The following SEMA5A variants were observed in gnomAD, a reference collection of about 807,000 sequenced individuals.
The protein encoded by SEMA5A is semaphorin 5A, also known as semaphorin-5A.
In SEMA5A, 55 loss-of-function variants were observed where a neutral mutation model predicts 135.5. That is an observed-to-expected ratio of 0.41 (90% CI 0.33 to 0.51). SEMA5A has a LOEUF of 0.51. Among genes scored for constraint, SEMA5A ranks in the 20% least tolerant of loss-of-function variants. SEMA5A has a pLI of 0.37. For missense variants in SEMA5A, 1,290 were observed against 1,419.9 expected, an observed-to-expected ratio of 0.91 and a Z score of 1.47; for synonymous variants, 580 against 546.5, an observed-to-expected ratio of 1.06 and a Z score of -0.85.
chr5:9,146,121 C>T (rs571221144), intron 12 of SEMA5A, among the ~76,000 whole-genome samples: 27 of 152,094 alleles, frequency 1.8e-4, no homozygotes, highest in Non-Finnish European at 3.5e-4. Flanking sequence ...TGGGTTCTTA[C>T]CCACCCTGCC....
intron 3 of SEMA5A, among the ~76,000 whole-genome samples, chr5:9,339,122 T>C (rs1440990851): frequency 2.0e-5 from 3 of 152,186 alleles, no homozygotes; most frequent in Non-Finnish European, 4.4e-5. Flanking sequence ...GAACAAGGTA[T>C]GTACAAGGCA....
At chr5:9,099,103 A>C (rs1739481851) in intron 16 of SEMA5A, among the ~76,000 whole-genome samples, 2 of 152,326 alleles carry the variant, frequency 1.3e-5, no homozygotes, top group South Asian at 2.1e-4. Context: ...TATATGTCCT[A>C]GAGGCAGACT....
intron 18 of SEMA5A, among the ~76,000 whole-genome samples, chr5:9,055,212 A>T (rs78273468): frequency 7.8e-4 from 119 of 152,334 alleles, no homozygotes; most frequent in Middle Eastern, 3.4e-3. Flanking sequence ...TATGATTTTC[A>T]GTTTAGCTAA....
intron 11 of SEMA5A, among the ~76,000 whole-genome samples, chr5:9,178,694 G>A (rs568355138): frequency 3.9e-5 from 6 of 152,200 alleles, no homozygotes; most frequent in Non-Finnish European, 8.8e-5. Context: ...TGTTGGTAAT[G>A]ATTGTAAAAT....
intron 16 of SEMA5A, among the ~76,000 whole-genome samples, chr5:9,085,228 G>C (rs1057175742): frequency 2.0e-5 from 3 of 152,228 alleles, no homozygotes; most frequent in Admixed American, 2.0e-4. Flanking sequence ...TTTCTGAGGA[G>C]AAATTTAAGC....
Position 9,035,466 on chromosome 5 carries a change from A to G in SEMA5A, c.*7431T>C, listed in dbSNP as rs1735596568. 6.6e-6 allele frequency: 1 copy of G among 152,158 alleles called. No homozygotes were observed. The highest frequency in any genetic ancestry group is 2.4e-5 in the African/African-American group (1 of 41,446). The allele number at this position is 152,158 out of a possible 1,614,324, so 9.4% of individuals were successfully genotyped here. On this transcript the variant is annotated 3_prime_UTR_variant, in exon 23 of 23. Transcript: ENST00000382496. ...TCCGCCCACCCCTGCTCCAACTTCCATAGTTGATCCAATGCAGCAGGTAAT... is the reference window on the plus strand; with the variant it reads ...TCCGCCCACCCCTGCTCCAACTTCCGTAGTTGATCCAATGCAGCAGGTAAT...
intron 5 of SEMA5A, among the ~76,000 whole-genome samples, chr5:9,271,933 C>T (rs559258444): frequency 3.4e-4 from 52 of 152,258 alleles, no homozygotes; most frequent in African/African-American, 1.1e-3. Flanking sequence ...CAAAACTGGG[C>T]GGCTGTTTGA....
intron 3 of SEMA5A, among the ~76,000 whole-genome samples, chr5:9,340,394 G>A (rs1463807941): frequency 2.0e-5 from 3 of 152,092 alleles, no homozygotes; most frequent in African/African-American, 7.2e-5. Context: ...GAGCCTCTAA[G>A]AGGAAAAAAG....
chr5:9,510,233 T>A (rs1736131955), intron 1 of SEMA5A, among the ~76,000 whole-genome samples: 1 of 152,220 alleles, frequency 6.6e-6, no homozygotes, highest in Non-Finnish European at 1.5e-5. Flanking sequence ...CCTCATTCAT[T>A]CCTTCTACAA....
Position 9,182,623 on chromosome 5 carries a change from C to G in SEMA5A, c.1273+7644G>C, listed in dbSNP as rs145504390. 7.8e-3 allele frequency among the ~76,000 whole-genome samples: 1,181 copies of G among 151,958 alleles called. 15 individuals are homozygous for G. The highest frequency in any genetic ancestry group is 0.026 in the African/African-American group (1,095 of 41,370). On this transcript the variant is annotated intron_variant, in intron 11 of 22. Coordinates refer to ENST00000382496, the MANE Select transcript of SEMA5A (RefSeq NM_003966.3). ...CTGCCTATCTTCTGGCTGAGCATGC[C>G]ATGCTCACCTCCTCCTAGACCACCT...
At chr5:9,171,194 A>G (rs1743902180) in intron 11 of SEMA5A, among the ~76,000 whole-genome samples, 1 of 152,054 alleles carries the variant, frequency 6.6e-6, no homozygotes, top group Non-Finnish European at 1.5e-5. Context: ...CTTTTAAAAC[A>G]CGCTCTGGGG....
At chr5:9,279,745 C>G (rs1247985371) in intron 5 of SEMA5A, among the ~76,000 whole-genome samples, 3 of 151,282 alleles carry the variant, frequency 2.0e-5, no homozygotes, top group African/African-American at 7.3e-5. Context: ...TTGACTCTCC[C>G]TCTCTCTCTC....
At chr5:9,458,160 G>A (rs1758917301) in intron 1 of SEMA5A, among the ~76,000 whole-genome samples, 1 of 151,646 alleles carries the variant, frequency 6.6e-6, no homozygotes, top group South Asian at 2.1e-4. Flanking sequence ...GCCCGCCTCG[G>A]CCTCCCAAAG....
intron 11 of SEMA5A, among the ~76,000 whole-genome samples, chr5:9,170,176 C>G (rs1037822704): frequency 6.6e-6 from 1 of 152,138 alleles, no homozygotes; most frequent in African/African-American, 2.4e-5. Flanking sequence ...CTTCAGTGTC[C>G]TACCTTCCAT....
chr5:9,348,913 G>T (rs879381302), intron 3 of SEMA5A, among the ~76,000 whole-genome samples: 19 of 152,176 alleles, frequency 1.2e-4, no homozygotes, highest in African/African-American at 4.6e-4. Context: ...TACATATTCA[G>T]AATTTGCCAG....
intron 1 of SEMA5A, among the ~76,000 whole-genome samples, chr5:9,490,162 T>C (rs905742228): frequency 3.3e-5 from 5 of 152,174 alleles, no homozygotes; most frequent in Non-Finnish European, 5.9e-5. Flanking sequence ...ATTGTCAACT[T>C]TCTTCTGCTC....
intron 19 of SEMA5A, 21 bp downstream of exon 19, chr5:9,054,066 A>G (rs1561106146): frequency 6.3e-7 from 1 of 1,590,056 alleles, no homozygotes; most frequent in Admixed American, 1.8e-5. Flanking sequence ...AAAGCTGTGC[A>G]GTAGGTGAGG....
intron 8 of SEMA5A, among the ~76,000 whole-genome samples, chr5:9,208,504 T>A (rs1251026473): frequency 6.6e-6 from 1 of 151,890 alleles, no homozygotes; most frequent in Non-Finnish European, 1.5e-5. Context: ...GACAAGGGTA[T>A]GGAGGGCCAG....
intron 5 of SEMA5A, among the ~76,000 whole-genome samples, chr5:9,268,042 G>C (rs1004498355): frequency 1.3e-5 from 2 of 152,072 alleles, no homozygotes; most frequent in African/African-American, 4.8e-5. Flanking sequence ...AAAAATTTGA[G>C]CCATGTAAAT....
Sources: allele counts gnomAD v4.1 joint callset (sites outside exome capture counted in the v4.1 genomes callset), GRCh38; gene constraint gnomAD v4.1.1; transcripts MANE v1.5; gene names NCBI Gene and HGNC (gene_info 2026-07-23, HGNC 2026-07-21).